Variants in KCND2 observed in about 807,000 individuals in gnomAD.
KCND2 encodes potassium voltage-gated channel subfamily D member 2.
In KCND2, 16 loss-of-function variants were observed where a neutral mutation model predicts 54.4. That is an observed-to-expected ratio of 0.29 (90% CI 0.20 to 0.45). The LOEUF is 0.45. Ranked by LOEUF, KCND2 falls within the 20% of genes least tolerant of loss-of-function variation. The pLI is 1.00. For missense variants in KCND2, 486 were observed against 824.2 expected (o/e 0.59, Z 5.02); for synonymous variants, 317 against 310.7 (o/e 1.02, Z -0.21).
intron 1 of KCND2, among the ~76,000 whole-genome samples, chr7:120,358,758 C>T (rs1227770101): frequency 6.6e-6 from 1 of 152,090 alleles, no homozygotes; most frequent in Admixed American, 6.6e-5. Flanking sequence ...AGGTTTGTAA[C>T]CAGTGAATTT....
intron 1 of KCND2, among the ~76,000 whole-genome samples, chr7:120,308,927 G>C (rs975073409): frequency 6.6e-6 from 1 of 152,060 alleles, no homozygotes; most frequent in African/African-American, 2.4e-5. Flanking sequence ...ATTTTGAACT[G>C]TACAAACCTA....
chr7:120,342,305 G>T lies in KCND2; in HGVS notation c.1115+66558G>T, dbSNP rs541515551. ...AGTTGTGAGTGATAAGTACAATGAT[G>T]TATGTAAAACACCTGGCATAGAATA... is the stretch of plus-strand genomic sequence containing the variant. On this transcript the variant is annotated intron_variant, in intron 1 of 5. Coordinates refer to ENST00000331113, the MANE Select transcript of KCND2 (RefSeq NM_012281.3). Among the ~76,000 whole-genome samples, 3 of 152,272 alleles carry T rather than the reference G, an allele frequency of 2.0e-5. No homozygotes were observed. The East Asian group carries it at 5.8e-4, about 29-fold the overall frequency.
intron 1 of KCND2, among the ~76,000 whole-genome samples, chr7:120,640,624 C>G (rs1293985697): frequency 2.8e-5 from 4 of 142,782 alleles, no homozygotes; most frequent in African/African-American, 1.0e-4. Context: ...ATCAAATGTC[C>G]AAAAAAAAAA....
chr7:120,566,428 C>T (rs1287588945), intron 1 of KCND2, among the ~76,000 whole-genome samples: 1 of 152,074 alleles, frequency 6.6e-6, no homozygotes. Context: ...TTGCAGCCTC[C>T]ACCTCCCAAG....
intron 1 of KCND2, among the ~76,000 whole-genome samples, chr7:120,694,223 T>C (rs1408060174): frequency 6.6e-6 from 1 of 152,194 alleles, no homozygotes; most frequent in Admixed American, 6.5e-5. Flanking sequence ...CTGAAAAAGT[T>C]TGGCTCTGTT....
intron 1 of KCND2, among the ~76,000 whole-genome samples, chr7:120,617,464 G>A (rs1793042148): frequency 6.6e-6 from 1 of 152,016 alleles, no homozygotes. Flanking sequence ...CCAGTCAGAA[G>A]GGCTATTACT....
At chr7:120,542,249 A>G (rs997749452) in intron 1 of KCND2, among the ~76,000 whole-genome samples, 8 of 152,154 alleles carry the variant, frequency 5.3e-5, no homozygotes, top group Admixed American at 1.3e-4. Flanking sequence ...CTTACCAAAC[A>G]TTGAGTAATT....
intron 1 of KCND2, among the ~76,000 whole-genome samples, chr7:120,343,054 G>A (rs1260414380): frequency 6.6e-6 from 1 of 152,094 alleles, no homozygotes; most frequent in Non-Finnish European, 1.5e-5. Flanking sequence ...TGAATCCTCT[G>A]TATGTGGCCA....
chr7:120,721,961 C>T (rs1325664458), intron 1 of KCND2, among the ~76,000 whole-genome samples: 1 of 152,146 alleles, frequency 6.6e-6, no homozygotes, highest in Non-Finnish European at 1.5e-5. Flanking sequence ...GGGGTTTCCC[C>T]TTTCACTTGG....
At chr7:120,365,271 C>T (rs1800653795) in intron 1 of KCND2, among the ~76,000 whole-genome samples, 2 of 151,780 alleles carry the variant, frequency 1.3e-5, no homozygotes, top group East Asian at 2.0e-4. Flanking sequence ...TTCAGGGATA[C>T]TAATTGATGA....
At chr7:120,335,355 CAAA>C (rs35404512) in intron 1 of KCND2, among the ~76,000 whole-genome samples, 8 of 58,372 alleles carry the variant, frequency 1.4e-4, no homozygotes, top group Admixed American at 2.3e-4. Context: ...AAGACTCTAT[CAAA>C]AAAAAAAAAA....
chr7:120,292,412 T>TGATATA, intron 1 of KCND2, among the ~76,000 whole-genome samples: 1 of 151,954 alleles, frequency 6.6e-6, no homozygotes. Flanking sequence ...TTAAATTTAG[T>TGATATA]GACATGTTTC....
Position 120,528,166 on chromosome 7 carries a change from G to A in KCND2, c.1116-204737G>A, listed in dbSNP as rs542634926. ...GGAAGAAAGAATGATTTTCACAGTA[G>A]TTTATACAAACATTACTCTTTAAAT... On this transcript the variant is annotated intron_variant, in intron 1 of 5. Coordinates refer to ENST00000331113, the MANE Select transcript of KCND2 (RefSeq NM_012281.3). Among the ~76,000 whole-genome samples, 135 of 152,160 alleles carry A rather than the reference G, an allele frequency of 8.9e-4. No homozygotes were observed. The Middle Eastern group carries it at 0.01, about 12-fold the overall frequency.
intron 1 of KCND2, among the ~76,000 whole-genome samples, chr7:120,367,844 C>T (rs1366693881): frequency 6.6e-6 from 1 of 151,938 alleles, no homozygotes; most frequent in South Asian, 2.1e-4. Context: ...CTGATAATAG[C>T]TAAATATTTC....
At chr7:120,535,512 G>GA (rs1791894957) in intron 1 of KCND2, among the ~76,000 whole-genome samples, 2 of 151,956 alleles carry the variant, frequency 1.3e-5, no homozygotes, top group Non-Finnish European at 2.9e-5. Context: ...GTTTATAAAG[G>GA]AAAAAATTGA....
intron 5 of KCND2, 33 bp from the exon 6 acceptor site, chr7:120,747,648 A>G (rs1321428432): frequency 6.6e-7 from 1 of 1,519,778 alleles, no homozygotes; most frequent in South Asian, 1.1e-5. Flanking sequence ...TAAGTAAACA[A>G]CTTACTTTCC....
chr7:120,657,856 A>AG (rs1562900867), intron 1 of KCND2, among the ~76,000 whole-genome samples: 1 of 152,078 alleles, frequency 6.6e-6, no homozygotes, highest in Admixed American at 6.6e-5. Context: ...TCAAAAAAAA[A>AG]AGAGAGAGAG....
chr7:120,590,731 C>A (rs187034201), intron 1 of KCND2, among the ~76,000 whole-genome samples: 2 of 152,238 alleles, frequency 1.3e-5, no homozygotes, highest in African/African-American at 4.8e-5. Context: ...TTCAGGCCCT[C>A]AGAAAATTAT....
At chr7:120,309,526 T>C (rs1799703740) in intron 1 of KCND2, among the ~76,000 whole-genome samples, 1 of 142,050 alleles carries the variant, frequency 7.0e-6, no homozygotes, top group South Asian at 2.3e-4. Context: ...TATATTTAAT[T>C]TAGTTGAAAA....
Sources: gnomAD v4.1 joint callset for allele counts (sites outside exome capture counted in the v4.1 genomes callset) on GRCh38, gnomAD v4.1.1 for gene constraint, MANE v1.5 for transcripts, NCBI Gene and HGNC (gene_info 2026-07-23, HGNC 2026-07-21) for gene names.